The following PHTF1 variants were observed in gnomAD, a reference collection of about 807,000 sequenced individuals.
PHTF1 encodes putative homeodomain transcription factor 1.
Under a neutral mutation model 102.4 loss-of-function variants are expected in PHTF1, and 88 were observed. That is an observed-to-expected ratio of 0.86 (90% CI 0.72 to 1.03). The LOEUF is 1.03. Ranked by LOEUF, PHTF1 falls within the 50% of genes least tolerant of loss-of-function variation. The pLI, the probability that PHTF1 is intolerant of heterozygous loss-of-function variation, is 0.00. For missense variants in PHTF1, 814 were observed against 909.5 expected, an observed-to-expected ratio of 0.89 and a Z score of 1.35; for synonymous variants, 289 against 305.2, an observed-to-expected ratio of 0.95 and a Z score of 0.55.
At chr1:113,701,914 A>G (rs920476890) in intron 15 of PHTF1, among the ~76,000 whole-genome samples, 9 of 151,330 alleles carry the variant, frequency 5.9e-5, no homozygotes, top group African/African-American at 2.2e-4. Context: ...AAACTGAGGG[A>G]ATTCATCACC....
chr1:113,756,341 T>C (rs1346770976), intron 3 of PHTF1, among the ~76,000 whole-genome samples: 5 of 152,194 alleles, frequency 3.3e-5, no homozygotes, highest in African/African-American at 7.2e-5. Context: ...GAAAAGTTAG[T>C]CGGCTACTTG....
intron 1 of PHTF1, 121 bp downstream of exon 1, chr1:113,758,902 G>A (rs1659285326): frequency 7.9e-7 from 1 of 1,262,590 alleles, no homozygotes; most frequent in South Asian, 2.2e-5. Flanking sequence ...GCGCAGCGGC[G>A]ACCGGAGAAG....
intron 5 of PHTF1, among the ~76,000 whole-genome samples, chr1:113,734,595 C>T (rs1655192046): frequency 6.6e-6 from 1 of 152,200 alleles, no homozygotes; most frequent in Non-Finnish European, 1.5e-5. Flanking sequence ...CAGCTTGGCT[C>T]TTCCTATGTG....
At chr1:113,698,138 AT>A in intron 18 of PHTF1, 123 bp downstream of exon 18, 1 of 726,728 alleles carries the variant, frequency 1.4e-6, no homozygotes, top group East Asian at 2.7e-5. Context: ...CTCAAGAGTT[AT>A]TTGCATGCTA....
chr1:113,742,198 C>T (rs11102679), intron 3 of PHTF1, among the ~76,000 whole-genome samples: 3,458 of 152,294 alleles, frequency 0.023, 44 homozygotes, highest in African/African-American at 0.033. Context: ...TTACTACACA[C>T]CTAGGCTATA....
At position 113,704,128 on chromosome 1, in the gene PHTF1, A is replaced by G. The variant is rs1398328051; in HGVS notation, c.1843T>C (p.Ser615Pro). Residue 615 changes from serine to proline, a missense_variant, in exon 15 of 19, where the codon TCG (serine) becomes CCG (proline). By Grantham distance (74) the Ser-to-Pro change is moderately conservative. Transcript: ENST00000369604. ...ATCGAAAGTGTCAGTAGGAAAACCG[A>G]GGATACAACCACATCAACTGAACGC... ...PQRSVDVVVS[S>P]VFLLTLSIAF... 1 of 1,613,686 alleles carries G rather than the reference A, an allele frequency of 6.2e-7. No individual in the cohort carries two copies. The highest frequency in any genetic ancestry group is 1.3e-5 in the African/African-American group (1 of 74,906).
intron 5 of PHTF1, among the ~76,000 whole-genome samples, chr1:113,730,765 C>T (rs1654515433): frequency 6.6e-6 from 1 of 152,164 alleles, no homozygotes; most frequent in African/African-American, 2.4e-5. Flanking sequence ...AGGTGGAAAT[C>T]TCTAAGTATC....
intron 5 of PHTF1, among the ~76,000 whole-genome samples, chr1:113,727,735 G>C (rs1654057456): frequency 6.6e-6 from 1 of 152,132 alleles, no homozygotes; most frequent in South Asian, 2.1e-4. Context: ...TTGAGGTCTG[G>C]TGGGTAGATC....
chr1:113,742,867 T>G lies in PHTF1; in HGVS notation c.103-4068A>C, dbSNP rs115213897. ...TTTTTTCTCTGGGACAGAGTCTTGCTCTGTTGCCCATGATATAGTGCAATG... is the reference window on the plus strand; with the variant it reads ...TTTTTTCTCTGGGACAGAGTCTTGCGCTGTTGCCCATGATATAGTGCAATG... On this transcript the variant is annotated intron_variant, in intron 3 of 18. Transcript: ENST00000369604. 7.1e-3 allele frequency among the ~76,000 whole-genome samples: 1,081 copies of G among 152,362 alleles called. 15 individuals are homozygous for G. The highest frequency in any genetic ancestry group is 0.024 in the African/African-American group (1,017 of 41,580).
chr1:113,712,898 T>C (rs1651363519), intron 8 of PHTF1, among the ~76,000 whole-genome samples: 1 of 152,078 alleles, frequency 6.6e-6, no homozygotes, highest in Non-Finnish European at 1.5e-5. Flanking sequence ...GCCATGCCAT[T>C]CTCCTGCCTC....
At position 113,738,168 on chromosome 1, in the gene PHTF1, C is replaced by T; in HGVS notation, c.273G>A (p.Trp91Ter). 1 of 1,612,678 alleles carries T rather than the reference C, an allele frequency of 6.2e-7. No individual in the cohort carries two copies. The highest frequency in any genetic ancestry group is 8.5e-7 in the Non-Finnish European group (1 of 1,178,710). Residue 91 changes from tryptophan to a stop codon, truncating the protein, a stop_gained, in exon 5 of 19, where the codon TGG (tryptophan) becomes TGA (stop). Transcript: ENST00000369604. LOFTEE classifies it high-confidence loss of function. ...VVFFPLFSNW[W>*]IQVTSLRIFV... The stretch of plus-strand genomic sequence containing the variant: ...AGATTCTTAAAGAGGTAACCTGAAT[C>T]CACCAATTGCTGAACAATGGAAAAA...
intron 3 of PHTF1, among the ~76,000 whole-genome samples, chr1:113,745,471 T>C (rs2101652528): frequency 6.6e-6 from 1 of 152,298 alleles, no homozygotes; most frequent in South Asian, 2.1e-4. Context: ...GATGGCATTT[T>C]AGGCTTTATG....
In PHTF1 at chr1:113,698,242, A is replaced by C; in HGVS notation, c.2268+20T>G. 6.3e-7 allele frequency: 1 copy of C among 1,584,434 alleles called. No homozygotes were observed. The highest frequency in any genetic ancestry group is 8.6e-7 in the Non-Finnish European group (1 of 1,157,106). Reference sequence around the variant, plus strand: ...GTAATTTTTAAGACTAGGATGCTACAGAGTGGTGGTGATACTTACTCTTAT... The same window carrying C: ...GTAATTTTTAAGACTAGGATGCTACCGAGTGGTGGTGATACTTACTCTTAT... On this transcript the variant is annotated intron_variant, in intron 18 of 18. Coordinates refer to ENST00000369604, the MANE Select transcript of PHTF1 (RefSeq NM_001323043.2).
At chr1:113,734,271 TA>T (rs1261149333) in intron 5 of PHTF1, among the ~76,000 whole-genome samples, 1 of 151,174 alleles carries the variant, frequency 6.6e-6, no homozygotes. Flanking sequence ...AAAAACAAAA[TA>T]AAACAAACAA....
At chr1:113,723,178 T>A (rs1044390536) in intron 7 of PHTF1, among the ~76,000 whole-genome samples, 1 of 128,116 alleles carries the variant, frequency 7.8e-6, no homozygotes, top group East Asian at 2.1e-4. Flanking sequence ...AGTGAACTCA[T>A]TTTTTTTTTT....
At position 113,710,244 on chromosome 1, in the gene PHTF1, C is replaced by G. The variant is rs1247997971; in HGVS notation, c.1269+10G>C. Reference sequence around the variant, plus strand: ...TAAATACTAGCTATTCTTATCATGTCTGCACAGACCTGCTGAAAAACATCC... The same window carrying G: ...TAAATACTAGCTATTCTTATCATGTGTGCACAGACCTGCTGAAAAACATCC... On this transcript the variant is annotated intron_variant, in intron 11 of 18. Coordinates refer to ENST00000369604, the MANE Select transcript of PHTF1 (RefSeq NM_001323043.2). 6.3e-7 allele frequency: 1 copy of G among 1,598,494 alleles called. No homozygotes were observed. The highest frequency in any genetic ancestry group is 1.1e-5 in the South Asian group (1 of 90,680).
rs537106659 is a variant in PHTF1 at position 113,712,047 on chromosome 1, G to A, written c.850C>T (p.Arg284Trp). Residue 284 changes from arginine (R) to tryptophan (W), a missense_variant, in exon 9 of 19, where the codon CGG becomes TGG. Coordinates refer to ENST00000369604, the MANE Select transcript of PHTF1 (RefSeq NM_001323043.2). ...CTACGCAATAATATCATCTGTGTCC[G>A]TGCTTCACCATCTTCTTCACTTGAC... The part of the protein sequence containing the change: ...DLSSEEDGEA[R>W]TQMILLRRSV... 176 of 1,613,652 alleles carry A rather than the reference G, an allele frequency of 1.1e-4. 2 individuals carry two copies. The South Asian group carries it at 1.6e-3, about 14-fold the overall frequency.
intron 3 of PHTF1, among the ~76,000 whole-genome samples, chr1:113,742,202 G>A (rs1478527956): frequency 2.0e-5 from 3 of 152,106 alleles, no homozygotes; most frequent in Non-Finnish European, 2.9e-5. Flanking sequence ...TACACACCTA[G>A]GCTATATGGC....
At chr1:113,748,629 G>A (rs1208307439) in intron 3 of PHTF1, among the ~76,000 whole-genome samples, 3 of 152,138 alleles carry the variant, frequency 2.0e-5, no homozygotes, top group African/African-American at 7.2e-5. Flanking sequence ...CGACTTCCCA[G>A]GCTCAGATGA....
Sources: allele counts gnomAD v4.1 joint callset (sites outside exome capture counted in the v4.1 genomes callset), GRCh38; gene constraint gnomAD v4.1.1; transcripts MANE v1.5; gene names NCBI Gene and HGNC (gene_info 2026-07-23, HGNC 2026-07-21).